The following RYK variants were observed in gnomAD, a reference collection of about 807,000 sequenced individuals.
The protein encoded by RYK is receptor like tyrosine kinase.
Under a neutral mutation model 70.2 loss-of-function variants are expected in RYK, and 21 were observed. The ratio of observed to expected loss-of-function variants is 0.30; its 90% confidence interval spans 0.21 to 0.43. The LOEUF is 0.43. RYK is among the 20% of genes least tolerant of loss of function. RYK has a pLI of 1.00. For synonymous variants in RYK, 267 were observed against 278.0 expected (o/e 0.96, Z 0.39); for missense variants, 604 against 753.3 (o/e 0.80, Z 2.32).
chr3:134,163,419 G>C (rs555542331), intron 13 of RYK, among the ~76,000 whole-genome samples: 8 of 152,252 alleles, frequency 5.3e-5, no homozygotes, highest in African/African-American at 1.7e-4. Context: ...TCTTTCCAGA[G>C]TTTTACGAAA....
chr3:134,177,714 G>A (rs1027823455), intron 11 of RYK, among the ~76,000 whole-genome samples: 3 of 152,128 alleles, frequency 2.0e-5, no homozygotes, highest in Non-Finnish European at 4.4e-5. Flanking sequence ...AGTACACAAC[G>A]AGAATATAAG....
intron 1 of RYK, among the ~76,000 whole-genome samples, chr3:134,231,161 A>AT (rs2015048488): frequency 6.6e-6 from 1 of 151,638 alleles, no homozygotes; most frequent in Non-Finnish European, 1.5e-5. Context: ...GTTAAGCTAG[A>AT]TAAAAAGTAC....
chr3:134,173,302 T>C (rs1240257761), intron 13 of RYK, among the ~76,000 whole-genome samples: 1 of 151,702 alleles, frequency 6.6e-6, no homozygotes, highest in East Asian at 1.9e-4. Context: ...AATTTAAAAA[T>C]TATATAAGTA....
chr3:134,234,616 A>G (rs569233565), intron 1 of RYK, among the ~76,000 whole-genome samples: 1 of 152,264 alleles, frequency 6.6e-6, no homozygotes, highest in Non-Finnish European at 1.5e-5. Context: ...AAGGAATTCT[A>G]TTTCTAGACA....
At chr3:134,162,256 A>C (rs1301689229) in intron 13 of RYK, among the ~76,000 whole-genome samples, 3 of 146,020 alleles carry the variant, frequency 2.1e-5, no homozygotes, top group African/African-American at 7.6e-5. Context: ...TTTTTGGTGG[A>C]GACGCAGGAC....
intron 9 of RYK, among the ~76,000 whole-genome samples, chr3:134,185,915 A>C (rs1039286801): frequency 2.0e-5 from 3 of 152,224 alleles, no homozygotes; most frequent in Admixed American, 2.0e-4. Flanking sequence ...AATTAAAGAT[A>C]AAATAACTTT....
Position 134,246,641 on chromosome 3 carries a change from A to G in RYK, c.232+3782T>C, listed in dbSNP as rs549764224. On this transcript the variant is annotated intron_variant, in intron 1 of 14. Coordinates refer to ENST00000623711, the MANE Select transcript of RYK (RefSeq NM_002958.4). ...AATATGCCATCAAAATTATGAAAAAATGTATTTCTACTTAATATTTTAAAT... is the reference window on the plus strand; with the variant it reads ...AATATGCCATCAAAATTATGAAAAAGTGTATTTCTACTTAATATTTTAAAT... Among the ~76,000 whole-genome samples the G allele has an allele frequency of 2.0e-5, 3 of 152,316 alleles. No homozygotes were observed. The South Asian group carries it at 6.2e-4, about 32-fold the overall frequency.
At chr3:134,194,312 AT>A (rs1183301185) in intron 7 of RYK, among the ~76,000 whole-genome samples, 2 of 152,116 alleles carry the variant, frequency 1.3e-5, no homozygotes, top group Non-Finnish European at 2.9e-5. Flanking sequence ...AAATTTGTGG[AT>A]TTTTACACAT....
intron 5 of RYK, among the ~76,000 whole-genome samples, chr3:134,206,379 A>G (rs1453302433): frequency 1.3e-5 from 2 of 152,226 alleles, no homozygotes; most frequent in African/African-American, 4.8e-5. Context: ...GAATGTGGGA[A>G]ATTCTATGGG....
chr3:134,163,809 A>G (rs2012564799), intron 13 of RYK, among the ~76,000 whole-genome samples: 1 of 152,198 alleles, frequency 6.6e-6, no homozygotes, highest in African/African-American at 2.4e-5. Flanking sequence ...TTCTGTTCAT[A>G]TTAGAAACCT....
chr3:134,250,159 G>A (rs6796675), intron 1 of RYK, among the ~76,000 whole-genome samples: 1 of 152,098 alleles, frequency 6.6e-6, no homozygotes, highest in African/African-American at 2.4e-5. Context: ...GAGGCAGTGA[G>A]GAGGATGGGA....
chr3:134,162,127 T>G (rs918416776), intron 13 of RYK, among the ~76,000 whole-genome samples: 2 of 152,140 alleles, frequency 1.3e-5, no homozygotes, highest in African/African-American at 4.8e-5. Flanking sequence ...TAGGGTGGAT[T>G]AGAGCTCATA....
At position 134,181,171 on chromosome 3, in the gene RYK, G is replaced by T. The variant is rs1472308333; in HGVS notation, c.1172+1831C>A. On this transcript the variant is annotated intron_variant, in intron 10 of 14. Coordinates refer to ENST00000623711, the MANE Select transcript of RYK (RefSeq NM_002958.4). ...TCACTGGGGTAAGAACATTGGCTAG[G>T]TATCTAAGTAATAGGTTAACATTAT... 2.0e-5 allele frequency: 3 copies of T among 152,296 alleles called. No homozygotes were observed. In the East Asian group the frequency reaches 5.8e-4, roughly 29 times the overall value. 9.4% of individuals were successfully genotyped at this position (152,296 alleles called of 1,614,324 possible). A position where few individuals can be genotyped will look rare whatever the true frequency, so the allele number is the denominator to read the frequency against.
rs908285202 is a variant in RYK at position 134,248,085 on chromosome 3, G to T, written c.232+2338C>A. ...GCTCTTCCCTACCTGGAGGAGCCAA[G>T]GAATTATTTTAAAGGTAGAATGTAT... On this transcript the variant is annotated intron_variant, in intron 1 of 14. Coordinates refer to ENST00000623711, the MANE Select transcript of RYK (RefSeq NM_002958.4). Among the ~76,000 whole-genome samples the T allele has an allele frequency of 2.0e-5, 3 of 152,108 alleles. No individual in the cohort carries two copies. In the South Asian group the frequency reaches 6.2e-4, roughly 32 times the overall value.
chr3:134,184,534 G>C (rs1206391277), intron 9 of RYK, among the ~76,000 whole-genome samples: 2 of 152,122 alleles, frequency 1.3e-5, no homozygotes, highest in East Asian at 1.9e-4. Context: ...GCTGAAGCAG[G>C]GGGATCACTT....
intron 13 of RYK, among the ~76,000 whole-genome samples, chr3:134,159,616 T>A (rs911950051): frequency 1.3e-5 from 2 of 152,252 alleles, no homozygotes; most frequent in African/African-American, 2.4e-5. Context: ...AATAGTTTAC[T>A]GTTGATTACA....
chr3:134,197,756 A>T (rs1361359238), intron 6 of RYK, among the ~76,000 whole-genome samples: 1 of 152,212 alleles, frequency 6.6e-6, no homozygotes, highest in South Asian at 2.1e-4. Context: ...GTGAGGCTCA[A>T]ATTGTATGAG....
chr3:134,221,582 T>C (rs115081982), intron 2 of RYK, among the ~76,000 whole-genome samples: 2,850 of 152,126 alleles, frequency 0.019, 87 homozygotes, highest in African/African-American at 0.065. Flanking sequence ...TAGAAAAAAA[T>C]GAAGATTTTT....
rs1006858109 is a variant in RYK, at chr3:134,197,328, C to T, written c.789-2146G>A. Among the ~76,000 whole-genome samples, 3 of 152,250 alleles carry T rather than the reference C, an allele frequency of 2.0e-5. No individual in the cohort carries two copies. The East Asian group carries it at 5.8e-4, about 29-fold the overall frequency. ...GTGAAGTCAGAACTGCCAGTATCAT[C>T]GATTACTAGCTGTACGGCCTAGGAC... On this transcript the variant is annotated intron_variant, in intron 6 of 14. Coordinates refer to ENST00000623711, the MANE Select transcript of RYK (RefSeq NM_002958.4).
Sources: allele counts gnomAD v4.1 joint callset (sites outside exome capture counted in the v4.1 genomes callset), GRCh38; gene constraint gnomAD v4.1.1; transcripts MANE v1.5; gene names NCBI Gene and HGNC (gene_info 2026-07-23, HGNC 2026-07-21).